Variants in RAB3C observed in about 807,000 individuals in gnomAD.
RAB3C encodes ras-related protein Rab-3C.
In RAB3C, 17 loss-of-function variants were observed where a neutral mutation model predicts 26.4. That is an observed-to-expected ratio of 0.64 (90% CI 0.44 to 0.97). The LOEUF is 0.97. RAB3C is among the 50% of genes least tolerant of loss of function. RAB3C has a pLI of 0.00. For synonymous variants in RAB3C, 91 were observed against 95.9 expected, an observed-to-expected ratio of 0.95 and a Z score of 0.30; for missense variants, 242 against 281.9, an observed-to-expected ratio of 0.86 and a Z score of 1.01.
At position 58,805,751 on chromosome 5, in the gene RAB3C, G is replaced by A. The variant is rs184413635; in HGVS notation, c.372-19287G>A. Among the ~76,000 whole-genome samples the A allele has an allele frequency of 5.4e-3, 816 of 152,190 alleles. 2 individuals are homozygous for A. The highest frequency in any genetic ancestry group is 8.1e-3 in the Non-Finnish European group (550 of 68,010). ...GAGGAGTAGCATGAAATATTCCTAG[G>A]AAGGTAGTGTGTGTTCAGCCTGAGT... is the stretch of plus-strand genomic sequence containing the variant. On this transcript the variant is annotated intron_variant, in intron 3 of 4. Transcript: ENST00000282878.
At chr5:58,838,395 T>A (rs1015606796) in intron 4 of RAB3C, among the ~76,000 whole-genome samples, 2 of 151,560 alleles carry the variant, frequency 1.3e-5, no homozygotes, top group South Asian at 2.1e-4. Flanking sequence ...AAAAAAAAAC[T>A]TTTTGTTTCA....
chr5:58,797,369 ATATATATAT>A (rs1742692459), intron 3 of RAB3C, among the ~76,000 whole-genome samples: 10 of 18,312 alleles, frequency 5.5e-4, no homozygotes, highest in Admixed American at 2.1e-3. Context: ...TATATATATA[ATATATATAT>A]ATATATATAT....
chr5:58,726,218 T>C, intron 3 of RAB3C, 98 bp downstream of exon 3: 1 of 611,780 alleles, frequency 1.6e-6, no homozygotes, highest in East Asian at 2.8e-5. Flanking sequence ...ATGTAATATA[T>C]GTGTTTACAT....
chr5:58,646,289 A>G (rs1055494735), intron 2 of RAB3C, among the ~76,000 whole-genome samples: 2 of 152,206 alleles, frequency 1.3e-5, no homozygotes, highest in African/African-American at 4.8e-5. Context: ...CTCGAGAAGC[A>G]TAAAACAATG....
chr5:58,833,942 T>C (rs1238825177), intron 4 of RAB3C, among the ~76,000 whole-genome samples: 1 of 152,142 alleles, frequency 6.6e-6, no homozygotes, highest in Admixed American at 6.5e-5. Flanking sequence ...CATAGAGAGG[T>C]GACCACCCCT....
chr5:58,631,914 T>C (rs1161589369), intron 2 of RAB3C, among the ~76,000 whole-genome samples: 1 of 152,222 alleles, frequency 6.6e-6, no homozygotes, highest in African/African-American at 2.4e-5. Context: ...CTTCTGCAAA[T>C]GCTGTAGCAA....
rs186227089 is a variant in RAB3C at position 58,763,304 on chromosome 5, G to C, written c.371+37184G>C. ...GTTTAAGCTTTGTCCCAGAATTTTA[G>C]AGTAATCATGGGCAGGTCAGAGAGA... On this transcript the variant is annotated intron_variant, in intron 3 of 4. Coordinates refer to ENST00000282878, the MANE Select transcript of RAB3C (RefSeq NM_138453.4). 2.8e-3 allele frequency among the ~76,000 whole-genome samples: 423 copies of C among 152,254 alleles called. 3 individuals are homozygous for C. Among genetic ancestry groups the C allele is most frequent in the African/African-American group, 9.8e-3 (409 of 41,552 alleles).
At chr5:58,597,620 TTCATTATATATAAGC>T (rs1371809146) in intron 1 of RAB3C, among the ~76,000 whole-genome samples, 6 of 134,944 alleles carry the variant, frequency 4.4e-5, no homozygotes, top group South Asian at 2.3e-4. Flanking sequence ...CAATATATAG[TTCATTATATATAAGC>T]ATATAACAAT....
intron 2 of RAB3C, among the ~76,000 whole-genome samples, chr5:58,689,656 G>A (rs1748520834): frequency 6.6e-6 from 1 of 152,166 alleles, no homozygotes; most frequent in South Asian, 2.1e-4. Flanking sequence ...TCTAGTGGGA[G>A]AGCAGATCCA....
intron 4 of RAB3C, among the ~76,000 whole-genome samples, chr5:58,826,820 G>GC (rs2112061536): frequency 6.6e-6 from 1 of 152,306 alleles, no homozygotes; most frequent in East Asian, 1.9e-4. Flanking sequence ...GGATTAATCT[G>GC]CTGGTGTTGT....
chr5:58,785,721 G>A (rs1742364242), intron 3 of RAB3C, among the ~76,000 whole-genome samples: 1 of 152,214 alleles, frequency 6.6e-6, no homozygotes, highest in Admixed American at 6.5e-5. Flanking sequence ...TATTTGAAAA[G>A]GGGGATTAAG....
chr5:58,633,538 A>C (rs559567485), intron 2 of RAB3C, among the ~76,000 whole-genome samples: 59 of 152,354 alleles, frequency 3.9e-4, no homozygotes, highest in African/African-American at 1.4e-3. Flanking sequence ...GGTAGAGAAG[A>C]GAAAAAAATT....
intron 3 of RAB3C, among the ~76,000 whole-genome samples, chr5:58,778,121 A>AT: frequency 6.6e-6 from 1 of 152,084 alleles, no homozygotes; most frequent in East Asian, 1.9e-4. Flanking sequence ...TTAACCCATC[A>AT]TTTTTCTGTA....
At chr5:58,841,550 G>T (rs970704536) in intron 4 of RAB3C, among the ~76,000 whole-genome samples, 2 of 152,134 alleles carry the variant, frequency 1.3e-5, no homozygotes, top group Non-Finnish European at 2.9e-5. Flanking sequence ...GGGGTGTGAG[G>T]TATGGGGAGT....
intron 4 of RAB3C, among the ~76,000 whole-genome samples, chr5:58,842,201 A>G (rs1743890626): frequency 6.6e-6 from 1 of 152,196 alleles, no homozygotes; most frequent in Non-Finnish European, 1.5e-5. Context: ...GACTACTGAT[A>G]AAAGAGAAGT....
chr5:58,820,341 A>G (rs1743310612), intron 3 of RAB3C, among the ~76,000 whole-genome samples: 2 of 152,150 alleles, frequency 1.3e-5, no homozygotes, highest in Non-Finnish European at 2.9e-5. Context: ...CCTATCATTT[A>G]TATTAGGTTT....
At chr5:58,822,315 C>T (rs1318179287) in intron 3 of RAB3C, among the ~76,000 whole-genome samples, 3 of 152,328 alleles carry the variant, frequency 2.0e-5, no homozygotes, top group African/African-American at 7.2e-5. Flanking sequence ...GGGCAATTAA[C>T]CACTCTATGC....
chr5:58,716,054 AT>A (rs553745883), intron 2 of RAB3C, among the ~76,000 whole-genome samples: 12,486 of 149,676 alleles, frequency 0.083, 953 homozygotes, highest in African/African-American at 0.2. Flanking sequence ...AGGAAAAAAA[AT>A]AATAAATAAA....
At chr5:58,660,567 G>T (rs1385015503) in intron 2 of RAB3C, among the ~76,000 whole-genome samples, 1 of 150,100 alleles carries the variant, frequency 6.7e-6, no homozygotes, top group Non-Finnish European at 1.5e-5. Context: ...ATTTTGATCT[G>T]CCAATGGCAG....
Sources: gnomAD v4.1 joint callset for allele counts (sites outside exome capture counted in the v4.1 genomes callset) on GRCh38, gnomAD v4.1.1 for gene constraint, MANE v1.5 for transcripts, NCBI Gene and HGNC (gene_info 2026-07-23, HGNC 2026-07-21) for gene names.